IL23R: variants seen among roughly 807,000 people sequenced by gnomAD.
IL23R encodes interleukin-23 receptor.
IL23R carries 34 observed loss-of-function variants against 56.9 expected under a neutral mutation model. That is an observed-to-expected ratio of 0.60 (90% CI 0.45 to 0.80). IL23R has a LOEUF of 0.80. Ranked by LOEUF, IL23R falls within the 30% of genes least tolerant of loss-of-function variation. The probability of loss-of-function intolerance (pLI) is 0.00; values close to 1 mark genes in which losing one functional copy is unlikely to be tolerated. For synonymous variants in IL23R, 230 were observed against 249.2 expected (o/e 0.92, Z 0.73); for missense variants, 635 against 730.0 (o/e 0.87, Z 1.50).
At chr1:67,227,960 T>C (rs1332949362) in intron 7 of IL23R, among the ~76,000 whole-genome samples, 2 of 35,350 alleles carry the variant, frequency 5.7e-5, no homozygotes, top group Admixed American at 3.4e-4. Flanking sequence ...CTTTCTTTCT[T>C]TCTTTCTTTC....
At position 67,206,966 on chromosome 1, in the gene IL23R, A is replaced by G. The variant is rs1358774745; in HGVS notation, c.709A>G (p.Lys237Glu). 3 of 1,596,148 alleles carry G rather than the reference A, an allele frequency of 1.9e-6. No individual in the cohort carries two copies. The highest frequency in any genetic ancestry group is 2.6e-6 in the Non-Finnish European group (3 of 1,172,692). ...RAETINATVP[K>E]TIIYWDSQTT... ...TGAGACTATAAATGCTACAGTGCCC[A>G]AGACCATAATTTATTGGGATAGTCA... The change falls in exon 6 of 11, where the codon AAG becomes GAG. Residue 237 changes from lysine (K) to glutamate (E), a missense_variant. Physicochemically the swap from Lys to Glu is moderately conservative, Grantham distance 56. Coordinates refer to ENST00000347310, the MANE Select transcript of IL23R (RefSeq NM_144701.3).
At chr1:67,244,362 T>A (rs940998088) in intron 9 of IL23R, among the ~76,000 whole-genome samples, 3 of 152,210 alleles carry the variant, frequency 2.0e-5, no homozygotes, top group African/African-American at 7.2e-5. Flanking sequence ...TTGTTTTTAG[T>A]GTTTTCATCA....
In IL23R at chr1:67,188,729, C is replaced by T. The variant is rs1179172650; in HGVS notation, c.491+5770C>T. Among the ~76,000 whole-genome samples, 3 of 152,088 alleles carry T rather than the reference C, an allele frequency of 2.0e-5. No individual in the cohort carries two copies. In the East Asian group the frequency reaches 5.8e-4, roughly 29 times the overall value. On this transcript the variant is annotated intron_variant, in intron 4 of 10. Coordinates refer to ENST00000347310, the MANE Select transcript of IL23R (RefSeq NM_144701.3). ...TGTCAACAGATTTTGAAGGTCTGTT[C>T]TTCATAGATGGTGACTTCTATATGT...
chr1:67,222,429 T>C (rs1423189774), intron 7 of IL23R, among the ~76,000 whole-genome samples: 1 of 152,244 alleles, frequency 6.6e-6, no homozygotes, highest in African/African-American at 2.4e-5. Flanking sequence ...GGAATTATTT[T>C]CAGTATCAGT....
intron 9 of IL23R, among the ~76,000 whole-genome samples, chr1:67,252,260 A>G (rs1652673715): frequency 1.3e-5 from 2 of 152,178 alleles, no homozygotes; most frequent in African/African-American, 4.8e-5. Context: ...TGCAAGAAAA[A>G]TGAAACAAAG....
upstream of IL23R, among the ~76,000 whole-genome samples, chr1:67,165,354 T>C (rs1220418837): frequency 6.6e-6 from 1 of 152,158 alleles, no homozygotes; most frequent in Non-Finnish European, 1.5e-5. Flanking sequence ...TACACTGCTG[T>C]TAGGAATGTA....
At chr1:67,158,262 G>C (rs1262776595) in intron 1 of IL23R, among the ~76,000 whole-genome samples, 1 of 152,010 alleles carries the variant, frequency 6.6e-6, no homozygotes, top group South Asian at 2.1e-4. Context: ...TGTTGTAAAA[G>C]TAATGTAGGA....
At chr1:67,167,103 C>T (rs1232210842) in intron 1 of IL23R, among the ~76,000 whole-genome samples, 2 of 152,060 alleles carry the variant, frequency 1.3e-5, no homozygotes, top group South Asian at 2.1e-4. Context: ...GCTTTTTCCT[C>T]TTTTTTAGGG....
At chr1:67,237,854 C>A (rs933928366) in intron 8 of IL23R, among the ~76,000 whole-genome samples, 1 of 152,148 alleles carries the variant, frequency 6.6e-6, no homozygotes, top group African/African-American at 2.4e-5. Context: ...GGTTGTATTG[C>A]TATTCTTTGC....
intron 7 of IL23R, among the ~76,000 whole-genome samples, chr1:67,222,867 T>A (rs1650390837): frequency 6.6e-6 from 1 of 152,200 alleles, no homozygotes; most frequent in South Asian, 2.1e-4. Flanking sequence ...TTCCCCACCA[T>A]CCCTCAGCAA....
At chr1:67,264,047 G>C (rs868647952), downstream of IL23R, among the ~76,000 whole-genome samples, 15 of 152,174 alleles carry the variant, frequency 9.9e-5, no homozygotes, top group Admixed American at 9.8e-4. Context: ...TCTATACTTA[G>C]GAGACTGGGA....
At chr1:67,219,515 A>C in intron 6 of IL23R, 59 bp from the exon 7 acceptor site, 1 of 1,531,090 alleles carries the variant, frequency 6.5e-7, no homozygotes, top group South Asian at 1.1e-5. Flanking sequence ...ATTTCTGCTA[A>C]ATAAAATAGT....
At chr1:67,172,617 A>G (rs1226466161) in intron 3 of IL23R, among the ~76,000 whole-genome samples, 1 of 152,214 alleles carries the variant, frequency 6.6e-6, no homozygotes, top group Non-Finnish European at 1.5e-5. Context: ...ATGCACAGTC[A>G]TGTTTCCACT....
At chr1:67,230,152 T>C (rs1029617091) in intron 7 of IL23R, among the ~76,000 whole-genome samples, 4 of 152,176 alleles carry the variant, frequency 2.6e-5, no homozygotes, top group African/African-American at 7.2e-5. Context: ...GGTGCCCACA[T>C]TGGATTCTAA....
At chr1:67,230,270 CCT>C (rs1334652467) in intron 7 of IL23R, among the ~76,000 whole-genome samples, 3 of 152,304 alleles carry the variant, frequency 2.0e-5, no homozygotes, top group African/African-American at 7.2e-5. Flanking sequence ...AGCCCTACTG[CCT>C]CTCAGCTTTT....
intron 3 of IL23R, among the ~76,000 whole-genome samples, chr1:67,176,379 C>T (rs975565470): frequency 3.3e-5 from 5 of 152,068 alleles, no homozygotes; most frequent in African/African-American, 1.2e-4. Context: ...GTGCTGAGTA[C>T]TGATTGGCCT....
chr1:67,228,197 T>TCCTTCCTTCCTC lies in IL23R; in HGVS notation c.955+8470_955+8471insTCCTTCCTCCCT, dbSNP rs1429336962. Among the ~76,000 whole-genome samples, 55 of 138,400 alleles carry TCCTTCCTTCCTC rather than the reference T, an allele frequency of 4.0e-4. 1 individual carries two copies. Among genetic ancestry groups the TCCTTCCTTCCTC allele is most frequent in the African/African-American group, 1.4e-3 (53 of 36,582 alleles). 90.8% of individuals were successfully genotyped at this position (138,400 alleles called of 152,430 possible). On this transcript the variant is annotated intron_variant, in intron 7 of 10. Transcript: ENST00000347310. ...TTCCTTCCTTCCTTCCTTCCTTCCT[T>TCCTTCCTTCCTC]CCTCCCTTCTTTTTTAGACAGGGTC...
intron 4 of IL23R, among the ~76,000 whole-genome samples, chr1:67,188,355 T>G (rs1288061924): frequency 1.3e-5 from 2 of 152,160 alleles, no homozygotes; most frequent in African/African-American, 4.8e-5. Flanking sequence ...CAGTGTCACA[T>G]GTCTACTCTG....
intron 9 of IL23R, among the ~76,000 whole-genome samples, chr1:67,242,397 C>T (rs1651910796): frequency 6.6e-6 from 1 of 152,148 alleles, no homozygotes; most frequent in Non-Finnish European, 1.5e-5. Flanking sequence ...AACAGACCCC[C>T]TTTTCACTTC....
Sources: gnomAD v4.1 joint callset for allele counts (sites outside exome capture counted in the v4.1 genomes callset) on GRCh38, gnomAD v4.1.1 for gene constraint, MANE v1.5 for transcripts, NCBI Gene and HGNC (gene_info 2026-07-23, HGNC 2026-07-21) for gene names.